Variants in SH3TC1 observed in about 807,000 individuals in gnomAD.
SH3TC1 encodes the protein SH3 domain and tetratricopeptide repeats 1.
A neutral mutation model predicts 117.3 loss-of-function variants in SH3TC1; 135 were observed. The ratio of observed to expected loss-of-function variants is 1.15; its 90% confidence interval spans 1.00 to 1.33. The LOEUF (loss-of-function observed/expected upper bound fraction) is 1.33. Ranked by LOEUF, SH3TC1 falls within the 40% of genes most tolerant of loss-of-function variation. SH3TC1 has a pLI of 0.00. For missense variants in SH3TC1, 2,092 were observed against 1,794.3 expected, an observed-to-expected ratio of 1.17 and a Z score of -3.00; for synonymous variants, 898 against 816.9, an observed-to-expected ratio of 1.10 and a Z score of -1.69.
At position 8,228,351 on chromosome 4, in the gene SH3TC1, A is replaced by G. The variant is rs754634077; in HGVS notation, c.2657A>G (p.Tyr886Cys). The G allele has an allele frequency of 8.7e-6, 14 of 1,611,840 alleles. No individual in the cohort carries two copies. The highest frequency in any genetic ancestry group is 1.3e-5 in the African/African-American group (1 of 75,064). ...TGRTRQAAES[Y>C]YRALRVARDL... The stretch of plus-strand genomic sequence containing the variant: ...CGGACGAGGCAGGCAGCTGAGAGCT[A>G]CTACCGCGCCCTGCGGGTGGCTCGG... The change falls in exon 12 of 18, where the codon TAC becomes TGC. Residue 886 changes from tyrosine to cysteine, a missense_variant. Physicochemically the swap from Tyr to Cys is radical, Grantham distance 194. Coordinates refer to ENST00000245105, the MANE Select transcript of SH3TC1 (RefSeq NM_018986.5).
At chr4:8,236,511 C>T in intron 16 of SH3TC1, 83 bp downstream of exon 16, 1 of 1,405,844 alleles carries the variant, frequency 7.1e-7, no homozygotes, top group Admixed American at 3.3e-5. Flanking sequence ...GGAGCCGAAA[C>T]AGCTGCCGGA....
chr4:8,226,758 G>A (rs1317563294), intron 11 of SH3TC1, among the ~76,000 whole-genome samples: 2 of 152,240 alleles, frequency 1.3e-5, no homozygotes, highest in Non-Finnish European at 1.5e-5. Context: ...CCATGGGCCT[G>A]TGTTTTCCCT....
rs1718562172 is a variant in SH3TC1, at chr4:8,210,440, G to A, written c.247+618G>A. On this transcript the variant is annotated intron_variant, in intron 3 of 17. Coordinates refer to ENST00000245105, the MANE Select transcript of SH3TC1 (RefSeq NM_018986.5). This position sits in a 1 kb window ranked among gnomAD's most constrained non-coding sequence, Gnocchi z 4.1. ...AGCACTGCTGGTGGCCACTCGGGAT[G>A]ACCAGGACGCATTAGGCAATAGGAC... Among the ~76,000 whole-genome samples, 1 of 152,230 alleles carries A rather than the reference G, an allele frequency of 6.6e-6. No individual in the cohort carries two copies. Among genetic ancestry groups the A allele is most frequent in the South Asian group, 2.1e-4 (1 of 4,836 alleles).
chr4:8,224,117 A>T (rs1720228147), intron 10 of SH3TC1, among the ~76,000 whole-genome samples: 1 of 152,176 alleles, frequency 6.6e-6, no homozygotes, highest in Non-Finnish European at 1.5e-5. Flanking sequence ...ACATACACAC[A>T]TGTGCATGCA....
Position 8,227,342 on chromosome 4 carries a change from G to T in SH3TC1, c.1648G>T (p.Ala550Ser), listed in dbSNP as rs1487729975. ...TGRLAQARGA[A>S]KKAGLLMALA... ...GCGCCTGGCACAGGCCCGGGGGGCGGCCAAGAAAGCTGGCCTCCTCATGGC... is the reference window on the plus strand; with the variant it reads ...GCGCCTGGCACAGGCCCGGGGGGCGTCCAAGAAAGCTGGCCTCCTCATGGC... Residue 550 changes from alanine (A) to serine (S), a missense_variant, in exon 12 of 18, where the codon GCC becomes TCC. Coordinates refer to ENST00000245105, the MANE Select transcript of SH3TC1 (RefSeq NM_018986.5). The T allele has an allele frequency of 1.2e-6, 2 of 1,602,226 alleles. No homozygotes were observed. The highest frequency in any genetic ancestry group is 1.7e-4 in the Middle Eastern group (1 of 5,730).
At chr4:8,238,576 TC>T (rs1722031375) in intron 17 of SH3TC1, among the ~76,000 whole-genome samples, 1 of 151,894 alleles carries the variant, frequency 6.6e-6, no homozygotes, top group Admixed American at 6.5e-5. Flanking sequence ...CCGCCCCGTA[TC>T]CCCCGCGGCA....
rs1720365621 is a variant in SH3TC1 at position 8,225,366 on chromosome 4, G to T, written c.1285+150G>T. 2.4e-6 allele frequency: 2 copies of T among 831,306 alleles called. No homozygotes were observed. Among genetic ancestry groups the T allele is most frequent in the Non-Finnish European group, 3.8e-6 (2 of 523,602 alleles). The allele number at this position is 831,306 out of a possible 1,614,324, so 51.5% of individuals were successfully genotyped here. ...GCTGGGGGCTTGGGGGAGGTTGCCT[G>T]AGGTGGGCCTGAACCTCCCGTCCAC... On this transcript the variant is annotated intron_variant, in intron 11 of 17. Coordinates refer to ENST00000245105, the MANE Select transcript of SH3TC1 (RefSeq NM_018986.5). This position sits in a 1 kb window ranked among gnomAD's most constrained non-coding sequence, Gnocchi z 5.5.
rs1437682914 is a variant in SH3TC1, at chr4:8,212,823, C to T, written c.370C>T (p.Leu124Phe). 2 of 1,578,346 alleles carry T rather than the reference C, an allele frequency of 1.3e-6. No individual in the cohort carries two copies. The highest frequency in any genetic ancestry group is 4.6e-5 in the East Asian group (2 of 43,482). ...TGATAGCCGGGAGATGGCCCGCGTG[C>T]TTGGGGTGAGTAGCCCTCTGGGGCC... The part of the protein sequence containing the change: ...ENDSREMARV[L>F]GELSARLLSI... The change falls in exon 4 of 18, where the codon CTT becomes TTT. Residue 124 changes from leucine to phenylalanine, a missense_variant. Transcript: ENST00000245105.
In SH3TC1 at chr4:8,227,532, A is replaced by G. The variant is rs1399636959; in HGVS notation, c.1838A>G (p.Lys613Arg). The G allele has an allele frequency of 3.3e-6, 5 of 1,533,948 alleles. No individual in the cohort carries two copies. The highest frequency in any genetic ancestry group is 4.4e-6 in the Non-Finnish European group (5 of 1,145,156). The change falls in exon 12 of 18, where the codon AAG becomes AGG. Residue 613 changes from lysine (K) to arginine (R), a missense_variant. Physicochemically the swap from Lys to Arg is conservative, Grantham distance 26. Transcript: ENST00000245105. ...GCCAACCTGGCCAGCATTTACCGGA[A>G]GCAGAAGAACCGGGAGAAGTGTGCA... Reference protein sequence around the residue: ...VYANLASIYRKQKNREKCAQV... With the variant: ...VYANLASIYRRQKNREKCAQV...
At chr4:8,208,671 G>T (rs192662909) in intron 2 of SH3TC1, among the ~76,000 whole-genome samples, 2 of 152,312 alleles carry the variant, frequency 1.3e-5, no homozygotes, top group Non-Finnish European at 2.9e-5. Flanking sequence ...ACATTTCTGA[G>T]CCCCCACTGC....
chr4:8,216,837 A>G lies in SH3TC1; in HGVS notation c.629-120A>G, dbSNP rs1253103863. ...CCTTTGGGTCTCTGTGCCTGCAGAC[A>G]CTGGGGGGGCCGCTCCTGTGGGTGT... On this transcript the variant is annotated intron_variant, in intron 6 of 17. Coordinates refer to ENST00000245105, the MANE Select transcript of SH3TC1 (RefSeq NM_018986.5). The G allele has an allele frequency of 3.0e-6, 3 of 1,011,704 alleles. No individual in the cohort carries two copies. In the Admixed American group the frequency reaches 5.8e-5, roughly 20 times the overall value. 62.7% of individuals were successfully genotyped at this position (1,011,704 alleles called of 1,614,324 possible).
chr4:8,193,553 C>T (rs1020207990), intron 1 of SH3TC1, among the ~76,000 whole-genome samples: 25 of 152,206 alleles, frequency 1.6e-4, no homozygotes, highest in Non-Finnish European at 3.5e-4. Context: ...TTTCATCCTC[C>T]TCTCTTTCCT....
rs1720647273 is a variant in SH3TC1 at position 8,227,730 on chromosome 4, A to G, written c.2036A>G (p.Lys679Arg). The G allele has an allele frequency of 6.3e-7, 1 of 1,595,954 alleles. No homozygotes were observed. The highest frequency in any genetic ancestry group is 8.6e-7 in the Non-Finnish European group (1 of 1,169,524). Residue 679 changes from lysine (K) to arginine (R), a missense_variant, in exon 12 of 18, where the codon AAG (lysine) becomes AGG (arginine). Transcript: ENST00000245105. ...CTGGCCAGGCACCACGTGCACCTCAAGCAGCCCGAGGAGGCCCTGCCCTTC... is the reference window on the plus strand; with the variant it reads ...CTGGCCAGGCACCACGTGCACCTCAGGCAGCCCGAGGAGGCCCTGCCCTTC... ...FLLARHHVHL[K>R]QPEEALPFLE...
At chr4:8,216,372 G>T in intron 6 of SH3TC1, 115 bp downstream of exon 6, 1 of 1,437,500 alleles carries the variant, frequency 7.0e-7, no homozygotes, top group Non-Finnish European at 9.3e-7. Flanking sequence ...GGGCTGCGGA[G>T]CCTCTGGAGG....
rs115646411 is a variant in SH3TC1 at position 8,205,964 on chromosome 4, C to T, written c.172+598C>T. The stretch of plus-strand genomic sequence containing the variant: ...GGCCCCTCCCGGCAGGAGACAGCTG[C>T]GGTTGTGACCCGTCCCTGGGCCTCG... On this transcript the variant is annotated intron_variant, in intron 2 of 17. Coordinates refer to ENST00000245105, the MANE Select transcript of SH3TC1 (RefSeq NM_018986.5). The surrounding 1 kb of genome is among the most constrained non-coding windows in gnomAD (Gnocchi z 5.4). 4,654 of 423,460 alleles carry T rather than the reference C, an allele frequency of 0.011. 26 individuals carry two copies. Among genetic ancestry groups the T allele is most frequent in the Middle Eastern group, 0.019 (30 of 1,576 alleles). The allele number at this position is 423,460 out of a possible 1,614,324, so 26.2% of individuals were successfully genotyped here.
At position 8,233,458 on chromosome 4, in the gene SH3TC1, C is replaced by A; in HGVS notation, c.3227C>A (p.Ala1076Glu). ...KEKEAHAWLQAGKIYYILRQS... is the reference protein window; with the variant it reads ...KEKEAHAWLQEGKIYYILRQS... Reference sequence around the variant, plus strand: ...AAGGAGGCGCATGCCTGGCTGCAAGCAGGGAAGATCTATTACATCTTGCGG... The same window carrying A: ...AAGGAGGCGCATGCCTGGCTGCAAGAAGGGAAGATCTATTACATCTTGCGG... The change falls in exon 14 of 18, where the codon GCA (alanine) becomes GAA (glutamate). Residue 1076 changes from alanine (A) to glutamate (E), a missense_variant. Physicochemically the swap from Ala to Glu is moderately radical, Grantham distance 107. Transcript: ENST00000245105. The A allele has an allele frequency of 6.2e-7, 1 of 1,613,908 alleles. No individual in the cohort carries two copies. The highest frequency in any genetic ancestry group is 8.5e-7 in the Non-Finnish European group (1 of 1,179,906).
chr4:8,223,372 G>A (rs1720129410), intron 10 of SH3TC1, among the ~76,000 whole-genome samples: 1 of 152,222 alleles, frequency 6.6e-6, no homozygotes, highest in South Asian at 2.1e-4. Flanking sequence ...CTTGTCACAA[G>A]AGAAAGAACC....
chr4:8,196,340 G>C (rs1266169048), upstream of SH3TC1, among the ~76,000 whole-genome samples: 5 of 152,196 alleles, frequency 3.3e-5, no homozygotes, highest in Non-Finnish European at 1.5e-5. The surrounding 1 kb of genome is among the most constrained non-coding windows in gnomAD (Gnocchi z 4.6). Context: ...CGCTGAGCAG[G>C]GGAGGGAGCC....
chr4:8,228,630 T>A lies in SH3TC1; in HGVS notation c.2936T>A (p.Met979Lys). The A allele has an allele frequency of 1.3e-6, 2 of 1,507,068 alleles. No individual in the cohort carries two copies. The highest frequency in any genetic ancestry group is 2.3e-5 in the East Asian group (1 of 42,686). 93.4% of individuals were successfully genotyped at this position (1,507,068 alleles called of 1,614,324 possible). ...YEWALLVAVE[M>K]GHVESQLRAV... ...TGGGCCCTTCTGGTCGCCGTGGAGA[T>A]GGGCCACGTGGAGAGTGAGTGCCCC... The change falls in exon 12 of 18, where the codon ATG (methionine) becomes AAG (lysine). Residue 979 changes from methionine (M) to lysine (K), a missense_variant. By Grantham distance (95) the Met-to-Lys change is moderately conservative. Transcript: ENST00000245105.
Sources: allele counts gnomAD v4.1 joint callset (sites outside exome capture counted in the v4.1 genomes callset), GRCh38; gene constraint gnomAD v4.1.1; non-coding constraint Gnocchi (gnomAD v3.1); transcripts MANE v1.5; gene names NCBI Gene and HGNC (gene_info 2026-07-23, HGNC 2026-07-21).